The following ADGRD2 variants were observed in gnomAD, a reference collection of about 807,000 sequenced individuals.
The protein encoded by ADGRD2 is G protein-coupled receptor PGR24.
Under a neutral mutation model 44.4 loss-of-function variants are expected in ADGRD2, and 71 were observed. The ratio of observed to expected loss-of-function variants is 1.60; its 90% CI spans 1.32 to 1.95. The LOEUF (loss-of-function observed/expected upper bound fraction) is 1.95. Ranked by LOEUF, ADGRD2 falls within the 30% of genes most tolerant of loss-of-function variation. The pLI, the probability that ADGRD2 is intolerant of heterozygous loss-of-function variation, is 0.00. For missense variants in ADGRD2, 1,039 were observed against 512.4 expected (o/e 2.03, Z -9.92); for synonymous variants, 481 against 224.8 (o/e 2.14, Z -10.19).
chr9:124,453,707 A>G, intron 3 of ADGRD2, 31 bp downstream of exon 6: 2 of 151,212 alleles, frequency 1.3e-5, no homozygotes, highest in African/African-American at 1.6e-4. Context: ...GCCCCACCCC[A>G]TGGCCCCGAA....
chr9:124,452,818 C>A (rs1301160064), intron 2 of ADGRD2, 96 bp downstream of exon 5: 1 of 643,356 alleles, frequency 1.6e-6, no homozygotes, highest in East Asian at 2.7e-5. Flanking sequence ...CAGAATGAGC[C>A]GGGAGTAAGA....
intron 1 of ADGRD2, 31 bp downstream of exon 4, chr9:124,452,185 C>T (rs1380278913): frequency 2.9e-6 from 2 of 691,728 alleles, no homozygotes; most frequent in East Asian, 5.4e-5. Flanking sequence ...CAGGGAGGGT[C>T]CCAGTCCCCC....
At chr9:124,475,520 G>A (rs1356605881) in intron 18 of ADGRD2, 33 bp downstream of exon 21, 3 of 715,540 alleles carry the variant, frequency 4.2e-6, no homozygotes, top group Non-Finnish European at 7.8e-6. Flanking sequence ...CAGGGAGAGG[G>A]GTCCAAGGGG....
At chr9:124,475,301 G>A (rs950142174) in intron 17 of ADGRD2, 145 bp from the exon 21 acceptor site, 22 of 587,840 alleles carry the variant, frequency 3.7e-5, no homozygotes, top group Middle Eastern at 4.5e-4. Flanking sequence ...CGAGGGCAGG[G>A]CCGACTTCGT....
chr9:124,468,194 G>A lies in ADGRD2; in HGVS notation c.2233+4G>A, dbSNP rs1831867711. On this transcript the variant is annotated splice_donor_region_variant and intron_variant, in intron 13 of 21. Transcript: ENST00000334810. ...CGAGTGGGCCAAGGCCAATGAGGTG[G>A]GCAGCCAGTGGGTGGGCTGGAAGCC... 1.3e-5 allele frequency: 9 copies of A among 718,308 alleles called. No individual in the cohort carries two copies. Among genetic ancestry groups the A allele is most frequent in the South Asian group, 1.5e-5 (1 of 67,608 alleles). 44.5% of individuals were successfully genotyped at this position (718,308 alleles called of 1,614,324 possible). A position where few individuals can be genotyped will look rare whatever the true frequency, so the allele number is the denominator to read the frequency against.
Position 124,454,539 on chromosome 9 carries a change from C to T in ADGRD2, c.1080C>T (p.Ser360=), listed in dbSNP as rs1291864136. 1.5e-5 allele frequency: 11 copies of T among 717,188 alleles called. No individual in the cohort carries two copies. Among genetic ancestry groups the T allele is most frequent in the Non-Finnish European group, 2.9e-5 (11 of 384,280 alleles). The allele number at this position is 717,188 out of a possible 1,614,324, so 44.4% of individuals were successfully genotyped here. A position where few individuals can be genotyped will look rare whatever the true frequency, so the allele number is the denominator to read the frequency against. The change falls in exon 5 of 22, where the codon AGC becomes AGT. Residue 360 remains serine (S), a synonymous_variant. Transcript: ENST00000334810. The surrounding 1 kb of genome is among the most constrained non-coding windows in gnomAD (Gnocchi z 4.5). Reference sequence around the variant, plus strand: ...CGTGGCCTGGCCAGGATGTTATCAGCCGAGTCAATGCCTTGGCCAACGACA... The same window carrying T: ...CGTGGCCTGGCCAGGATGTTATCAGTCGAGTCAATGCCTTGGCCAACGACA...
intron 12 of ADGRD2, 29 bp from the exon 16 acceptor site, chr9:124,468,059 T>C (rs1391571242): frequency 1.4e-6 from 1 of 718,192 alleles, no homozygotes; most frequent in Non-Finnish European, 2.6e-6. Flanking sequence ...AGTGGTGTTC[T>C]TGTTAACTGA....
intron 17 of ADGRD2, among the ~76,000 whole-genome samples, chr9:124,471,397 C>G (rs1831943213): frequency 6.6e-6 from 1 of 152,258 alleles, no homozygotes; most frequent in South Asian, 2.1e-4. Flanking sequence ...AAGTCAGGTG[C>G]GAACTCCACC....
In ADGRD2 at chr9:124,456,137, A is replaced by G. The variant is rs190656514; in HGVS notation, c.1394-485A>G. Among the ~76,000 whole-genome samples, 414 of 152,334 alleles carry G rather than the reference A, an allele frequency of 2.7e-3. 4 individuals are homozygous for G. Among genetic ancestry groups the G allele is most frequent in the African/African-American group, 9.5e-3 (396 of 41,576 alleles). The stretch of plus-strand genomic sequence containing the variant: ...AGCTCAGTTTTCTTCCCTGGGGAAT[A>G]GGGATGATCACGCCAGCCTTGCTAA... On this transcript the variant is annotated intron_variant, in intron 6 of 21. Transcript: ENST00000334810.
At chr9:124,458,313 G>A in intron 9 of ADGRD2, 77 bp downstream of exon 12, 3 of 697,748 alleles carry the variant, frequency 4.3e-6, no homozygotes, top group East Asian at 2.7e-5. Context: ...CGTTCTGGTG[G>A]GCGCATGTGT....
At chr9:124,475,447 G>A in exon 18 of ADGRD2, 1 of 713,564 alleles carries the variant, frequency 1.4e-6, no homozygotes, top group South Asian at 1.5e-5. Context: ...TGTCCTCAGG[G>A]GCTGTACATC....
chr9:124,466,603 A>C, intron 11 of ADGRD2, 190 bp downstream of exon 14: 1 of 418,974 alleles, frequency 2.4e-6, no homozygotes, highest in Non-Finnish European at 4.3e-6. Flanking sequence ...TGAGCCCAGG[A>C]GTTCAAGACC....
At chr9:124,474,746 A>G (rs1832013433) in intron 17 of ADGRD2, among the ~76,000 whole-genome samples, 1 of 152,086 alleles carries the variant, frequency 6.6e-6, no homozygotes, top group African/African-American at 2.4e-5. Context: ...TCTGCCCCCC[A>G]CCCACAGCTC....
intron 10 of ADGRD2, among the ~76,000 whole-genome samples, chr9:124,459,873 T>C (rs558069294): frequency 6.6e-6 from 1 of 152,132 alleles, no homozygotes; most frequent in Non-Finnish European, 1.5e-5. Context: ...CTGGAACCAA[T>C]CTCCCGCAGG....
In ADGRD2 at chr9:124,476,568, G is replaced by A. The variant is rs953226819; in HGVS notation, c.2905-111G>A. The A allele has an allele frequency of 6.2e-6, 4 of 640,146 alleles. No individual in the cohort carries two copies. The South Asian group carries it at 6.8e-5, about 11-fold the overall frequency. 39.7% of individuals were successfully genotyped at this position (640,146 alleles called of 1,614,324 possible). ...GTTCTTGGGCTGAAGGGCCCAGGGA[G>A]GGGGAGCTGCTGGCGGCAAGCTGGC... On this transcript the variant is annotated intron_variant, in intron 20 of 21. Transcript: ENST00000334810.
intron 17 of ADGRD2, 55 bp from the exon 21 acceptor site, chr9:124,475,391 G>A (rs1387848965): frequency 2.9e-6 from 2 of 694,244 alleles, no homozygotes; most frequent in Non-Finnish European, 5.4e-6. Context: ...AGGCCAGGCT[G>A]TGGGGGATGG....
chr9:124,466,124 C>A (rs1831818038), intron 10 of ADGRD2, 134 bp from the exon 14 acceptor site: 2 of 459,526 alleles, frequency 4.4e-6, no homozygotes, highest in South Asian at 1.2e-4. Context: ...AAAACTGAGA[C>A]CCAGGAAGGG....
At chr9:124,468,289 GC>G in intron 13 of ADGRD2, 99 bp downstream of exon 16, 1 of 703,158 alleles carries the variant, frequency 1.4e-6, no homozygotes, top group Admixed American at 2.0e-5. Flanking sequence ...TTTTCACATG[GC>G]TCCACTTCCC....
upstream of ADGRD2, among the ~76,000 whole-genome samples, chr9:124,451,923 C>T (rs1409947825): frequency 6.6e-6 from 1 of 152,144 alleles, no homozygotes; most frequent in East Asian, 1.9e-4. Context: ...AGCAAAGGGC[C>T]CTCCCGAGAT....
Sources: gnomAD v4.1 joint callset for allele counts (sites outside exome capture counted in the v4.1 genomes callset) on GRCh38, gnomAD v4.1.1 for gene constraint, Gnocchi (gnomAD v3.1) non-coding constraint, MANE v1.5 for transcripts, NCBI Gene and HGNC (gene_info 2026-07-23, HGNC 2026-07-21) for gene names.